COL4A5: variants seen among roughly 807,000 people sequenced by gnomAD.
COL4A5 encodes collagen alpha-5(IV) chain.
Under a neutral mutation model 130.2 loss-of-function variants are expected in COL4A5, and 26 were observed. That is an observed-to-expected ratio of 0.20 (90% CI 0.15 to 0.28). The LOEUF (loss-of-function observed/expected upper bound fraction) is 0.28. Ranked by LOEUF, COL4A5 falls within the 10% of genes least tolerant of loss-of-function variation. The pLI is 1.00. For synonymous variants in COL4A5, 496 were observed against 439.6 expected, an observed-to-expected ratio of 1.13 and a Z score of -1.60; for missense variants, 1,131 against 1,344.3, an observed-to-expected ratio of 0.84 and a Z score of 2.48.
At chrX:108,499,394 A>G (rs960948647) in intron 1 of COL4A5, among the ~76,000 whole-genome samples, 5 of 110,690 alleles carry the variant, frequency 4.5e-5, no homozygotes, top group African/African-American at 1.3e-4. Flanking sequence ...ATATTTTTGG[A>G]TCTGTGTTCT....
At chrX:108,512,466 G>A (rs1447003847) in intron 1 of COL4A5, among the ~76,000 whole-genome samples, 1 of 111,856 alleles carries the variant, frequency 8.9e-6, no homozygotes, top group African/African-American at 3.2e-5. Context: ...CCATATTGTT[G>A]CATTTCTTTA....
chrX:108,658,105 A>G (rs886074746), intron 37 of COL4A5, among the ~76,000 whole-genome samples: 3 of 110,730 alleles, frequency 2.7e-5, no homozygotes, highest in Non-Finnish European at 3.8e-5. Context: ...TGGCACATAT[A>G]TTTTACTAAA....
intron 37 of COL4A5, among the ~76,000 whole-genome samples, chrX:108,663,481 A>T (rs1484247043): frequency 8.9e-6 from 1 of 111,871 alleles, no homozygotes; most frequent in Non-Finnish European, 1.9e-5. Context: ...TCAGGAACAG[A>T]AAACCAAACA....
chrX:108,621,971 G>A, intron 32 of COL4A5, 79 bp downstream of exon 32: 1 of 743,127 alleles, frequency 1.3e-6, no homozygotes, highest in Non-Finnish European at 2.1e-6. Context: ...GAATATTTTT[G>A]TTGACTGTTT....
At chrX:108,586,174 C>T (rs2066332683) in intron 18 of COL4A5, among the ~76,000 whole-genome samples, 2 of 111,609 alleles carry the variant, frequency 1.8e-5, no homozygotes, top group Non-Finnish European at 3.8e-5. Context: ...AGTTAACACA[C>T]ACACACAAAT....
chrX:108,456,322 A>G (rs2064584390), intron 1 of COL4A5, among the ~76,000 whole-genome samples: 2 of 112,260 alleles, frequency 1.8e-5, no homozygotes, highest in Admixed American at 9.5e-5. Flanking sequence ...TTCTTATGGT[A>G]TGATTTACAT....
At chrX:108,593,156 C>A (rs2066462705) in intron 21 of COL4A5, among the ~76,000 whole-genome samples, 1 of 111,210 alleles carries the variant, frequency 9.0e-6, no homozygotes, top group Non-Finnish European at 1.9e-5. Flanking sequence ...AGGACATAAA[C>A]ACTAATTTTT....
intron 3 of COL4A5, among the ~76,000 whole-genome samples, chrX:108,562,438 A>T (rs1225576542): frequency 8.9e-6 from 1 of 112,132 alleles, no homozygotes; most frequent in Non-Finnish European, 1.9e-5. Flanking sequence ...AAAATAAGTT[A>T]CCTAAATTAG....
At chrX:108,539,613 C>T (rs766061089) in intron 1 of COL4A5, 133 bp from the exon 2 acceptor site, 16 of 557,826 alleles carry the variant, frequency 2.9e-5, no homozygotes, top group Non-Finnish European at 4.7e-5. Context: ...TTTGCAATTT[C>T]GTATATCTTT....
At chrX:108,662,960 T>A (rs1286242774) in intron 37 of COL4A5, among the ~76,000 whole-genome samples, 1 of 112,160 alleles carries the variant, frequency 8.9e-6, no homozygotes, top group African/African-American at 3.2e-5. Context: ...CTTCAAACTA[T>A]ACTACAAGGC....
chrX:108,596,312 A>AATAATCTAG (rs1287452257), intron 22 of COL4A5, among the ~76,000 whole-genome samples: 1 of 112,112 alleles, frequency 8.9e-6, no homozygotes, highest in Non-Finnish European at 1.9e-5. Flanking sequence ...CTAGCCTTGT[A>AATAATCTAG]CCTCTAGTCT....
intron 30 of COL4A5, among the ~76,000 whole-genome samples, chrX:108,617,803 A>G (rs2066958344): frequency 8.9e-6 from 1 of 111,938 alleles, no homozygotes; most frequent in African/African-American, 3.2e-5. Flanking sequence ...CAGTCTTAGG[A>G]CAAAGCATAT....
At chrX:108,597,235 CA>C in intron 23 of COL4A5, 141 bp from the exon 24 acceptor site, 1 of 758,185 alleles carries the variant, frequency 1.3e-6, no homozygotes, top group Non-Finnish European at 2.0e-6. Context: ...TCACTTGATT[CA>C]GCCCTTTGTA....
intron 1 of COL4A5, chrX:108,462,295 C>T (rs2064661306): frequency 9.0e-6 from 1 of 111,547 alleles, no homozygotes; most frequent in African/African-American, 3.3e-5. Flanking sequence ...ATGCCTATTA[C>T]TATTACAATA....
chrX:108,472,137 T>C (rs1010653418), intron 1 of COL4A5, among the ~76,000 whole-genome samples: 1 of 111,997 alleles, frequency 8.9e-6, no homozygotes, highest in African/African-American at 3.2e-5. Flanking sequence ...TTGTACATAT[T>C]TGTGAAATTT....
intron 21 of COL4A5, among the ~76,000 whole-genome samples, chrX:108,594,726 C>A (rs2066486409): frequency 9.2e-6 from 1 of 109,287 alleles, no homozygotes; most frequent in South Asian, 4.0e-4. Context: ...ATAACAACTT[C>A]TCAATCAAGT....
intron 41 of COL4A5, among the ~76,000 whole-genome samples, chrX:108,669,159 T>A (rs1351679892): frequency 8.9e-6 from 1 of 112,052 alleles, no homozygotes; most frequent in Non-Finnish European, 1.9e-5. Flanking sequence ...ATTTTGTATC[T>A]GTGCTGTGTC....
intron 3 of COL4A5, among the ~76,000 whole-genome samples, chrX:108,561,767 A>C (rs1157501157): frequency 1.8e-5 from 2 of 111,952 alleles, no homozygotes; most frequent in East Asian, 5.6e-4. Flanking sequence ...TAAATGCATG[A>C]ATATTTTTTA....
chrX:108,453,217 TAA>T (rs1473365634), intron 1 of COL4A5, among the ~76,000 whole-genome samples: 2 of 111,666 alleles, frequency 1.8e-5, no homozygotes, highest in East Asian at 5.6e-4. Flanking sequence ...AGCTAGTTGA[TAA>T]AGTTTCAGAT....
Sources: gnomAD v4.1 joint callset for allele counts (sites outside exome capture counted in the v4.1 genomes callset) on GRCh38, gnomAD v4.1.1 for gene constraint, MANE v1.5 for transcripts, NCBI Gene and HGNC (gene_info 2026-07-23, HGNC 2026-07-21) for gene names.